The following KAZN variants were observed in gnomAD, a reference collection of about 807,000 sequenced individuals.
KAZN encodes kazrin, periplakin interacting protein, also known as kazrin.
In KAZN, 40 loss-of-function variants were observed where a neutral mutation model predicts 87.4. The ratio of observed to expected loss-of-function variants is 0.46; its 90% confidence interval spans 0.36 to 0.60. The LOEUF (loss-of-function observed/expected upper bound fraction) is 0.60. Ranked by LOEUF, KAZN falls within the 20% of genes least tolerant of loss-of-function variation. KAZN has a pLI of 0.00. For missense variants in KAZN, 898 were observed against 1,073.9 expected (o/e 0.84, Z 2.29); for synonymous variants, 466 against 458.3 (o/e 1.02, Z -0.22).
chr1:15,015,494 C>A (rs1669996153), intron 2 of KAZN, among the ~76,000 whole-genome samples: 1 of 152,156 alleles, frequency 6.6e-6, no homozygotes, highest in Non-Finnish European at 1.5e-5. Context: ...ACAAAGCTCA[C>A]GGCCAGTTGC....
In KAZN at chr1:14,144,460, AT is replaced by A. The variant is rs201249860; in HGVS notation, c.92-35966del. On this transcript the variant is annotated intron_variant, in intron 1 of 16. Coordinates refer to the KAZN transcript ENST00000636203. The stretch of plus-strand genomic sequence containing the variant: ...TTAGTTACTGTCTTAGTTTATTATT[AT>A]TTTTTTTTGTAGAGTTGGCATCTTG... 1.0e-4 allele frequency among the ~76,000 whole-genome samples: 15 copies of A among 150,416 alleles called. No individual in the cohort carries two copies. The South Asian group carries it at 1.1e-3, about 11-fold the overall frequency.
At chr1:14,678,523 A>G (rs115035249) in intron 1 of KAZN, among the ~76,000 whole-genome samples, 1 of 152,094 alleles carries the variant, frequency 6.6e-6, no homozygotes, top group Non-Finnish European at 1.5e-5. Flanking sequence ...GTGGGACTTT[A>G]CCCTGTGATC....
chr1:14,108,898 A>G (rs1644438031), intron 1 of KAZN, among the ~76,000 whole-genome samples: 1 of 152,158 alleles, frequency 6.6e-6, no homozygotes, highest in Non-Finnish European at 1.5e-5. Flanking sequence ...ACATATTTCT[A>G]GTTCCATCAT....
chr1:14,405,293 T>G (rs116324134), intron 2 of KAZN, among the ~76,000 whole-genome samples: 1 of 152,164 alleles, frequency 6.6e-6, no homozygotes, highest in African/African-American at 2.4e-5. Flanking sequence ...AATGTGATAT[T>G]AGAATTGGTT....
chr1:14,682,075 G>A (rs937862863), intron 1 of KAZN, among the ~76,000 whole-genome samples: 1 of 151,872 alleles, frequency 6.6e-6, no homozygotes, highest in Non-Finnish European at 1.5e-5. Flanking sequence ...TCTCCAGAAC[G>A]TTTTTCATCT....
At chr1:14,376,110 CAGTG>C (rs1043260404) in intron 2 of KAZN, among the ~76,000 whole-genome samples, 4 of 152,246 alleles carry the variant, frequency 2.6e-5, no homozygotes, top group Admixed American at 1.3e-4. Flanking sequence ...CACCTGAACA[CAGTG>C]AGGGAGAATA....
At chr1:15,006,592 A>G (rs1224501156) in intron 2 of KAZN, among the ~76,000 whole-genome samples, 2 of 152,220 alleles carry the variant, frequency 1.3e-5, no homozygotes, top group Non-Finnish European at 2.9e-5. Flanking sequence ...CTGAATACCT[A>G]CTATGTTCCA....
At chr1:14,719,405 T>C (rs1230028716) in intron 1 of KAZN, among the ~76,000 whole-genome samples, 3 of 152,156 alleles carry the variant, frequency 2.0e-5, no homozygotes, top group Admixed American at 6.5e-5. Flanking sequence ...GGCCATAGAA[T>C]GCAAAAGTGG....
At chr1:14,535,813 A>G (rs1009914726) in intron 2 of KAZN, among the ~76,000 whole-genome samples, 17 of 152,226 alleles carry the variant, frequency 1.1e-4, no homozygotes, top group African/African-American at 3.9e-4. Context: ...TAATTTGTCT[A>G]TCACAATGTC....
intron 2 of KAZN, among the ~76,000 whole-genome samples, chr1:14,562,324 A>T (rs1674308576): frequency 1.3e-5 from 2 of 152,110 alleles, no homozygotes; most frequent in South Asian, 4.1e-4. Flanking sequence ...ATACGGAAAA[A>T]GTATGCTTGC....
chr1:13,996,062 C>T (rs1639500144), intron 1 of KAZN, among the ~76,000 whole-genome samples: 1 of 150,496 alleles, frequency 6.6e-6, no homozygotes, highest in Non-Finnish European at 1.5e-5. Flanking sequence ...CTGGCCTGAT[C>T]CACGGAGAGG....
intron 1 of KAZN, among the ~76,000 whole-genome samples, chr1:14,622,927 T>TC (rs542471563): frequency 1.5e-5 from 1 of 67,658 alleles, no homozygotes; most frequent in African/African-American, 8.9e-5. Context: ...TGTTCTTAAT[T>TC]TTTTTTTTTT....
chr1:14,693,104 T>C (rs1380218073), intron 1 of KAZN, among the ~76,000 whole-genome samples: 2 of 152,144 alleles, frequency 1.3e-5, no homozygotes, highest in Non-Finnish European at 2.9e-5. Flanking sequence ...AAAAGCTCCA[T>C]GTTGATTTGT....
chr1:14,268,681 C>T (rs186573515), intron 2 of KAZN, among the ~76,000 whole-genome samples: 18 of 152,186 alleles, frequency 1.2e-4, no homozygotes, highest in East Asian at 3.9e-4. Context: ...TGTATATATG[C>T]GACCATGAAA....
At position 14,300,466 on chromosome 1, in the gene KAZN, G is replaced by C. The variant is rs185387944; in HGVS notation, c.249+119874G>C. Among the ~76,000 whole-genome samples, 57 of 152,172 alleles carry C rather than the reference G, an allele frequency of 3.7e-4. No homozygotes were observed. The East Asian group carries it at 0.01, about 28-fold the overall frequency. On this transcript the variant is annotated intron_variant, in intron 2 of 16. Coordinates refer to the KAZN transcript ENST00000636203. ...AGCCAGGCTGGTCTCAAACTCTTGG[G>C]CTCAAGGGATCCTCCTGCCTCAGCC...
In KAZN at chr1:15,103,542, T is replaced by A. The variant is rs542151755; in HGVS notation, c.1881+82T>A. The A allele has an allele frequency of 4.9e-5, 44 of 890,352 alleles. No homozygotes were observed. In the African/African-American group the frequency reaches 6.9e-4, roughly 14 times the overall value. 55.2% of individuals were successfully genotyped at this position (890,352 alleles called of 1,614,324 possible). ...ATCTATATGCAAATCAATATGCAAA[T>A]CACATGCAAATCAATATGCAGATCT... On this transcript the variant is annotated intron_variant, in intron 12 of 14. Transcript: ENST00000376030.
chr1:14,657,262 T>G (rs1483475746), intron 1 of KAZN, among the ~76,000 whole-genome samples: 1 of 152,072 alleles, frequency 6.6e-6, no homozygotes, highest in Non-Finnish European at 1.5e-5. Context: ...CTTGTATTTT[T>G]AGTAGAGACG....
At chr1:14,699,739 C>T (rs1251584377) in intron 1 of KAZN, among the ~76,000 whole-genome samples, 1 of 152,200 alleles carries the variant, frequency 6.6e-6, no homozygotes, top group Non-Finnish European at 1.5e-5. Context: ...AAATGTTTGA[C>T]AGCCATCTCT....
At chr1:13,957,678 G>A (rs187619874) in intron 1 of KAZN, among the ~76,000 whole-genome samples, 58 of 152,250 alleles carry the variant, frequency 3.8e-4, no homozygotes, top group African/African-American at 1.3e-3. Flanking sequence ...GAGAAAGCAA[G>A]GTGGGGATGG....
Sources: gnomAD v4.1 joint callset for allele counts (sites outside exome capture counted in the v4.1 genomes callset) on GRCh38, gnomAD v4.1.1 for gene constraint, MANE v1.5 for transcripts, NCBI Gene and HGNC (gene_info 2026-07-23, HGNC 2026-07-21) for gene names.